Variants in SLC5A11 observed in about 807,000 individuals in gnomAD.
SLC5A11 encodes sodium/myo-inositol cotransporter 2.
SLC5A11 carries 48 observed loss-of-function variants against 69.8 expected under a neutral mutation model. That is an observed-to-expected ratio of 0.69 (90% confidence interval 0.55 to 0.87). The LOEUF (loss-of-function observed/expected upper bound fraction) is 0.87. Ranked by LOEUF, SLC5A11 falls within the 40% of genes least tolerant of loss-of-function variation. The probability of loss-of-function intolerance (pLI) is 0.00; values close to 1 mark genes in which losing one functional copy is unlikely to be tolerated. For missense variants in SLC5A11, 784 were observed against 866.1 expected (o/e 0.91, Z 1.19); for synonymous variants, 319 against 342.4 (o/e 0.93, Z 0.75).
Position 24,862,593 on chromosome 16 carries a change from T to C in SLC5A11, c.136-8T>C, listed in dbSNP as rs1244627955. The stretch of plus-strand genomic sequence containing the variant: ...TTCCCTCACCCACCTCTCTTCTTTT[T>C]TTTTCAGTCCACAGTGAAGACCAAA... On this transcript the variant is annotated splice_polypyrimidine_tract_variant and splice_region_variant and intron_variant, in intron 2 of 15. Transcript: ENST00000347898. 1 of 1,610,278 alleles carries C rather than the reference T, an allele frequency of 6.2e-7. No homozygotes were observed. Among genetic ancestry groups the C allele is most frequent in the Non-Finnish European group, 8.5e-7 (1 of 1,177,528 alleles).
At chr16:24,855,532 T>G (rs1012625352) in intron 1 of SLC5A11, among the ~76,000 whole-genome samples, 1 of 151,174 alleles carries the variant, frequency 6.6e-6, no homozygotes, top group Admixed American at 6.6e-5. Context: ...GCCTAGGAGG[T>G]TGAAGTTGCA....
rs34966155 is a variant in SLC5A11, at chr16:24,854,955, T to TTGTGTGTG, written c.-24-3653_-24-3646dup. On this transcript the variant is annotated intron_variant, in intron 1 of 15. Transcript: ENST00000347898. ...AGAGAAAGGTTAGGTTAGGTTAGCC[T>TTGTGTGTG]TGTGTGTGTGTGTGTGTGTTTGTTT... 2.7e-5 allele frequency among the ~76,000 whole-genome samples: 4 copies of TTGTGTGTG among 150,782 alleles called. No homozygotes were observed. The East Asian group carries it at 7.8e-4, about 30-fold the overall frequency.
chr16:24,866,601 A>C (rs966736010), intron 3 of SLC5A11, among the ~76,000 whole-genome samples: 3 of 152,020 alleles, frequency 2.0e-5, no homozygotes, highest in African/African-American at 7.2e-5. Context: ...GATACGAATG[A>C]CTGAAAGTAA....
chr16:24,873,639 G>A (rs2047478936), intron 5 of SLC5A11, among the ~76,000 whole-genome samples: 1 of 151,340 alleles, frequency 6.6e-6, no homozygotes, highest in Non-Finnish European at 1.5e-5. Context: ...CTCCAGCCTG[G>A]GTGACACAGC....
chr16:24,896,496 TA>T (rs112044430), intron 9 of SLC5A11, among the ~76,000 whole-genome samples: 49 of 148,028 alleles, frequency 3.3e-4, no homozygotes, highest in Middle Eastern at 3.5e-3. Context: ...CCCCATCTCT[TA>T]AAAAAAAAAG....
rs1484670309 is a variant in SLC5A11 at position 24,888,994 on chromosome 16, C to T, written c.665-1875C>T. 3.4e-5 allele frequency among the ~76,000 whole-genome samples: 5 copies of T among 147,346 alleles called. No homozygotes were observed. In the East Asian group the frequency reaches 8.2e-4, roughly 24 times the overall value. The stretch of plus-strand genomic sequence containing the variant: ...CTATTTTTAGTAGAGACAGGGTTTC[C>T]CCATGTGGGCCAGGCTGGTCTTGAA... On this transcript the variant is annotated intron_variant, in intron 8 of 15. Coordinates refer to ENST00000347898, the Ensembl canonical transcript of SLC5A11.
At chr16:24,907,698 C>T (rs1167379131) in intron 12 of SLC5A11, among the ~76,000 whole-genome samples, 2 of 137,820 alleles carry the variant, frequency 1.5e-5, no homozygotes, top group African/African-American at 5.7e-5. Flanking sequence ...CAGAGTGAGA[C>T]TCTGTCTCAA....
intron 3 of SLC5A11, 96 bp downstream of exon 4, chr16:24,862,768 C>CA: frequency 9.0e-7 from 1 of 1,108,758 alleles, no homozygotes; most frequent in South Asian, 1.7e-5. Context: ...TCTCTGGTCT[C>CA]ATGTCGTTTG....
Position 24,911,325 on chromosome 16 carries a change from T to C in SLC5A11, c.1823-3T>C. 6.2e-7 allele frequency: 1 copy of C among 1,613,892 alleles called. No individual in the cohort carries two copies. Among genetic ancestry groups the C allele is most frequent in the Non-Finnish European group, 8.5e-7 (1 of 1,180,010 alleles). ...CGGTCTTCCTTTGCTGGGTTCTTTC[T>C]AGGTGACATGACCCCAAAGCAGTCC... On this transcript the variant is annotated splice_region_variant and splice_polypyrimidine_tract_variant and intron_variant, in intron 15 of 15. Transcript: ENST00000347898.
At chr16:24,849,631 A>C (rs1479935673) in intron 1 of SLC5A11, among the ~76,000 whole-genome samples, 1 of 126,254 alleles carries the variant, frequency 7.9e-6, no homozygotes, top group African/African-American at 2.9e-5. Context: ...TATCCATGAG[A>C]GATGCCACGT....
chr16:24,890,865 C>G lies in SLC5A11; in HGVS notation c.665-4C>G. The G allele has an allele frequency of 6.2e-7, 1 of 1,613,996 alleles. No homozygotes were observed. Among genetic ancestry groups the G allele is most frequent in the Non-Finnish European group, 8.5e-7 (1 of 1,179,942 alleles). On this transcript the variant is annotated splice_polypyrimidine_tract_variant and splice_region_variant and intron_variant, in intron 8 of 15. Coordinates refer to ENST00000347898, the Ensembl canonical transcript of SLC5A11. The stretch of plus-strand genomic sequence containing the variant: ...CCGGAAAATAGGCTTCCTCTGAATT[C>G]TAGGTTTCGCCGCGGTTGGTGGGAT...
At chr16:24,857,976 C>T (rs2059605294) in intron 1 of SLC5A11, among the ~76,000 whole-genome samples, 1 of 152,062 alleles carries the variant, frequency 6.6e-6, no homozygotes, top group African/African-American at 2.4e-5. Context: ...GATTCTGGAG[C>T]AAGATTATTG....
intron 1 of SLC5A11, among the ~76,000 whole-genome samples, chr16:24,855,024 TGG>T (rs1016701883): frequency 6.6e-5 from 10 of 151,836 alleles, no homozygotes; most frequent in African/African-American, 2.4e-4. Context: ...TGCAGTGCAG[TGG>T]GGCAATCATA....
intron 3 of SLC5A11, among the ~76,000 whole-genome samples, chr16:24,868,647 A>T (rs1310675109): frequency 6.6e-6 from 1 of 152,034 alleles, no homozygotes; most frequent in South Asian, 2.1e-4. Context: ...ACTTACTACA[A>T]CGCTACAGTA....
At chr16:24,877,002 G>C (rs1318382107) in intron 6 of SLC5A11, 2 of 1,142,912 alleles carry the variant, frequency 1.7e-6, no homozygotes, top group Non-Finnish European at 2.3e-6. Flanking sequence ...TTGCAGTGTG[G>C]AAGATGGAGT....
intron 7 of SLC5A11, among the ~76,000 whole-genome samples, chr16:24,879,680 G>A (rs2047916139): frequency 6.6e-6 from 1 of 152,088 alleles, no homozygotes. Context: ...GAGGTTGCAA[G>A]GTTGCAGTGA....
At chr16:24,898,096 C>T (rs146829094) in exon 10 of SLC5A11, 3 of 1,614,090 alleles carry the variant, frequency 1.9e-6, no homozygotes, top group Middle Eastern at 1.7e-4. Context: ...TGGTCAGCCG[C>T]ATCCTCTTCC....
At chr16:24,909,769 C>T (rs2050364181) in intron 14 of SLC5A11, among the ~76,000 whole-genome samples, 1 of 143,376 alleles carries the variant, frequency 7.0e-6, no homozygotes, top group Non-Finnish European at 1.5e-5. Flanking sequence ...TTTAAGGCTG[C>T]AGTGAGCTAT....
intron 6 of SLC5A11, among the ~76,000 whole-genome samples, chr16:24,876,499 C>T (rs927522207): frequency 6.6e-6 from 1 of 152,208 alleles, no homozygotes; most frequent in Non-Finnish European, 1.5e-5. Flanking sequence ...AACCTCCAGA[C>T]ATGTGCCCCT....
Sources: allele counts gnomAD v4.1 joint callset (sites outside exome capture counted in the v4.1 genomes callset), GRCh38; gene constraint gnomAD v4.1.1; transcripts MANE v1.5; gene names NCBI Gene and HGNC (gene_info 2026-07-23, HGNC 2026-07-21).